EBF1: variants seen among roughly 807,000 people sequenced by gnomAD.
EBF1 encodes EBF transcription factor 1.
Under a neutral mutation model 68.4 loss-of-function variants are expected in EBF1, and 10 were observed. The observed-to-expected ratio is 0.15, with a 90% CI of 0.09 to 0.25. The LOEUF (loss-of-function observed/expected upper bound fraction) is 0.25. Among genes scored for constraint, EBF1 ranks in the 10% least tolerant of loss-of-function variants. The probability of loss-of-function intolerance (pLI) is 1.00; values close to 1 mark genes in which losing one functional copy is unlikely to be tolerated. For missense variants in EBF1, 509 were observed against 794.4 expected, an observed-to-expected ratio of 0.64 and a Z score of 4.32; for synonymous variants, 298 against 299.8, an observed-to-expected ratio of 0.99 and a Z score of 0.06.
At chr5:159,027,910 A>G (rs1351982985) in intron 6 of EBF1, among the ~76,000 whole-genome samples, 3 of 152,184 alleles carry the variant, frequency 2.0e-5, no homozygotes, top group African/African-American at 7.2e-5. Context: ...CCCAGCTCAT[A>G]TGGATCTTTC....
At chr5:158,792,320 G>A (rs1778795296) in intron 9 of EBF1, among the ~76,000 whole-genome samples, 1 of 152,194 alleles carries the variant, frequency 6.6e-6, no homozygotes, top group Non-Finnish European at 1.5e-5. Flanking sequence ...GAACTTGGGA[G>A]CTCGCAGAAG....
chr5:159,061,653 G>T (rs1203975759), intron 6 of EBF1, among the ~76,000 whole-genome samples: 1 of 152,144 alleles, frequency 6.6e-6, no homozygotes, highest in East Asian at 1.9e-4. Context: ...CCAGTGTCCG[G>T]CTCGGAAGCC....
chr5:158,903,017 G>A (rs1803787150), intron 6 of EBF1, among the ~76,000 whole-genome samples: 1 of 152,168 alleles, frequency 6.6e-6, no homozygotes, highest in African/African-American at 2.4e-5. Flanking sequence ...AGTAGATCTT[G>A]TAAACTAAAA....
At chr5:158,873,345 A>C (rs2128066961) in intron 6 of EBF1, among the ~76,000 whole-genome samples, 1 of 152,002 alleles carries the variant, frequency 6.6e-6, no homozygotes, top group African/African-American at 2.4e-5. Context: ...ATTCCCTTTG[A>C]CTCTATAGAA....
intron 6 of EBF1, among the ~76,000 whole-genome samples, chr5:159,030,570 C>T (rs13176272): frequency 0.078 from 11,793 of 152,064 alleles, 493 homozygotes; most frequent in Middle Eastern, 0.12. Flanking sequence ...CAACAGGATC[C>T]GATCTGAGCG....
chr5:158,919,109 T>G (rs1440652700), intron 6 of EBF1, among the ~76,000 whole-genome samples: 1 of 152,210 alleles, frequency 6.6e-6, no homozygotes, highest in Non-Finnish European at 1.5e-5. Context: ...GTTTAGCACT[T>G]GTTGGGCCTG....
intron 6 of EBF1, among the ~76,000 whole-genome samples, chr5:158,905,295 C>T (rs1477049851): frequency 6.6e-6 from 1 of 152,096 alleles, no homozygotes; most frequent in Non-Finnish European, 1.5e-5. Flanking sequence ...CCATAAAATG[C>T]CCTAGCTCCT....
chr5:159,050,108 C>G (rs144405564), intron 6 of EBF1, among the ~76,000 whole-genome samples: 1 of 152,112 alleles, frequency 6.6e-6, no homozygotes, highest in African/African-American at 2.4e-5. Flanking sequence ...ACAGGAGAAC[C>G]AGGGGACAGC....
intron 6 of EBF1, chr5:158,983,682 A>C (rs1454960994): frequency 1.6e-4 from 24 of 152,342 alleles, no homozygotes; most frequent in Non-Finnish European, 1.5e-4. Flanking sequence ...GGAAAAATCA[A>C]AGGGAATATG....
chr5:159,096,936 A>T, intron 2 of EBF1, 38 bp downstream of exon 2: 1 of 1,607,760 alleles, frequency 6.2e-7, no homozygotes, highest in Non-Finnish European at 8.5e-7. Flanking sequence ...TCCCGAGCCG[A>T]GCCGGGGACG....
At chr5:159,095,466 T>C (rs1011684430) in intron 4 of EBF1, among the ~76,000 whole-genome samples, 154 bp downstream of exon 4, 7 of 152,158 alleles carry the variant, frequency 4.6e-5, no homozygotes, top group Admixed American at 3.9e-4. Flanking sequence ...AGCGCATGAA[T>C]GGACACTGGA....
chr5:158,797,368 CT>C (rs1456899754), intron 8 of EBF1, among the ~76,000 whole-genome samples: 2 of 152,172 alleles, frequency 1.3e-5, no homozygotes, highest in Non-Finnish European at 2.9e-5. Context: ...CTTCGTGCCA[CT>C]GAGGGTTTTT....
intron 10 of EBF1, among the ~76,000 whole-genome samples, chr5:158,758,418 G>T (rs1042992914): frequency 6.6e-6 from 1 of 152,064 alleles, no homozygotes; most frequent in African/African-American, 2.4e-5. Context: ...CTGAATTTGA[G>T]ACTACACTAT....
intron 6 of EBF1, among the ~76,000 whole-genome samples, chr5:158,889,717 A>G (rs1399705153): frequency 6.6e-6 from 1 of 152,184 alleles, no homozygotes; most frequent in East Asian, 1.9e-4. Context: ...ATATGTGTGA[A>G]GTCATGGAAT....
In EBF1 at chr5:158,716,812, TGA is replaced by T. The variant is rs528464990; in HGVS notation, c.1126-2632_1126-2631del. The stretch of plus-strand genomic sequence containing the variant: ...TAATATATTGCCTTTCAATCAGAGC[TGA>T]GAGCCACTGAACACACAGACAGAAC... On this transcript the variant is annotated intron_variant, in intron 11 of 15. Transcript: ENST00000313708. 8.5e-5 allele frequency among the ~76,000 whole-genome samples: 13 copies of T among 152,220 alleles called. No individual in the cohort carries two copies. In the South Asian group the frequency reaches 2.5e-3, roughly 29 times the overall value.
At chr5:158,810,606 G>A (rs1582100301) in intron 8 of EBF1, among the ~76,000 whole-genome samples, 1 of 152,076 alleles carries the variant, frequency 6.6e-6, no homozygotes, top group Non-Finnish European at 1.5e-5. Flanking sequence ...GAAAAATGTG[G>A]GTTTGAACAA....
chr5:159,064,961 ATGTGTGTGGTG>A (rs1383172461), intron 6 of EBF1, among the ~76,000 whole-genome samples: 1 of 110,704 alleles, frequency 9.0e-6, no homozygotes, highest in African/African-American at 3.5e-5. Context: ...GTATGTGCGT[ATGTGTGTGGTG>A]TGTGTAGCTA....
At chr5:158,772,837 C>A (rs1394694463) in intron 10 of EBF1, among the ~76,000 whole-genome samples, 1 of 152,162 alleles carries the variant, frequency 6.6e-6, no homozygotes, top group African/African-American at 2.4e-5. Flanking sequence ...TAGTATCTAG[C>A]CTCATGCTAA....
At chr5:158,887,945 T>C (rs1230896326) in intron 6 of EBF1, among the ~76,000 whole-genome samples, 1 of 152,184 alleles carries the variant, frequency 6.6e-6, no homozygotes, top group Non-Finnish European at 1.5e-5. Context: ...TTTGCCTCAA[T>C]ATGAATTGCA....
Sources: allele counts gnomAD v4.1 joint callset (sites outside exome capture counted in the v4.1 genomes callset), GRCh38; gene constraint gnomAD v4.1.1; transcripts MANE v1.5; gene names NCBI Gene and HGNC (gene_info 2026-07-23, HGNC 2026-07-21).